The following ANO3 variants were observed in gnomAD, a reference collection of about 807,000 sequenced individuals.
ANO3 encodes the protein anoctamin-3.
Under a neutral mutation model 144.8 loss-of-function variants are expected in ANO3, and 99 were observed. That is an observed-to-expected ratio of 0.68 (90% CI 0.58 to 0.81). ANO3 has a LOEUF of 0.81. ANO3 is among the 30% of genes least tolerant of loss of function. The probability of loss-of-function intolerance (pLI) is 0.00; values close to 1 mark genes in which losing one functional copy is unlikely to be tolerated. For synonymous variants in ANO3, 414 were observed against 392.6 expected (o/e 1.05, Z -0.64); for missense variants, 905 against 1,202.2 (o/e 0.75, Z 3.66).
At chr11:26,326,848 G>C (rs1419231947) in intron 1 of ANO3, among the ~76,000 whole-genome samples, 1 of 152,128 alleles carries the variant, frequency 6.6e-6, no homozygotes, top group Non-Finnish European at 1.5e-5. Flanking sequence ...TTGATCAAAA[G>C]CATGGCAATT....
intron 1 of ANO3, among the ~76,000 whole-genome samples, chr11:26,259,693 T>C (rs1440831925): frequency 2.0e-5 from 3 of 151,872 alleles, no homozygotes; most frequent in Middle Eastern, 3.2e-3. Context: ...AAGTAAATAA[T>C]ATTTAATCAC....
chr11:26,341,535 G>C (rs1191895316), intron 1 of ANO3, among the ~76,000 whole-genome samples: 1 of 152,096 alleles, frequency 6.6e-6, no homozygotes, highest in Non-Finnish European at 1.5e-5. Flanking sequence ...TTAATAAAAA[G>C]GAGAAATTTC....
intron 1 of ANO3, among the ~76,000 whole-genome samples, chr11:26,321,921 T>G (rs111503290): frequency 2.6e-5 from 4 of 152,168 alleles, no homozygotes; most frequent in African/African-American, 9.6e-5. Context: ...TGCTATACTT[T>G]CAGTGTTTAT....
chr11:26,212,987 C>A (rs923989792), intron 1 of ANO3, among the ~76,000 whole-genome samples: 3 of 152,062 alleles, frequency 2.0e-5, no homozygotes, highest in Non-Finnish European at 4.4e-5. Context: ...ATATGCAAAT[C>A]AATAAACGTA....
chr11:26,280,035 G>A (rs571860443), intron 1 of ANO3, among the ~76,000 whole-genome samples: 1 of 152,110 alleles, frequency 6.6e-6, no homozygotes, highest in African/African-American at 2.4e-5. Flanking sequence ...AGTTTTCAGG[G>A]GTTCTTATGC....
chr11:26,595,460 G>GTGTTT (rs1851584686), intron 14 of ANO3, among the ~76,000 whole-genome samples: 1 of 101,388 alleles, frequency 9.9e-6, no homozygotes. Flanking sequence ...AGATAGAGTT[G>GTGTTT]TTTTTTTTTT....
At chr11:26,519,166 G>T (rs1419387911) in intron 6 of ANO3, among the ~76,000 whole-genome samples, 2 of 152,084 alleles carry the variant, frequency 1.3e-5, no homozygotes, top group Non-Finnish European at 2.9e-5. Flanking sequence ...AGATTAAAGA[G>T]GAGGAAGCCC....
intron 17 of ANO3, among the ~76,000 whole-genome samples, chr11:26,606,149 C>T (rs4447134): frequency 0.7 from 106,449 of 151,982 alleles, 38,365 homozygotes; most frequent in East Asian, 0.84. Context: ...TTTGTTCTCA[C>T]TGGTTTCAAA....
At chr11:26,195,051 G>A (rs1851557648) in intron 1 of ANO3, among the ~76,000 whole-genome samples, 1 of 152,266 alleles carries the variant, frequency 6.6e-6, no homozygotes, top group African/African-American at 2.4e-5. Context: ...ACCTATAGAT[G>A]TCTGTGGGCA....
chr11:26,280,627 C>G (rs947710341), intron 1 of ANO3, among the ~76,000 whole-genome samples: 3 of 152,186 alleles, frequency 2.0e-5, no homozygotes, highest in Non-Finnish European at 4.4e-5. Flanking sequence ...AGGGCTCTGC[C>G]TTTCCCAGTC....
At chr11:26,554,829 T>G (rs1850039295) in intron 13 of ANO3, among the ~76,000 whole-genome samples, 1 of 152,140 alleles carries the variant, frequency 6.6e-6, no homozygotes, top group African/African-American at 2.4e-5. Context: ...ATGTGAGCGT[T>G]GTTTGTTTTC....
chr11:26,463,617 TGTAA>T (rs1422879014), intron 4 of ANO3, among the ~76,000 whole-genome samples: 2 of 151,924 alleles, frequency 1.3e-5, no homozygotes, highest in African/African-American at 4.8e-5. Context: ...GAGAAAACCA[TGTAA>T]GTGTCTGGTG....
At chr11:26,215,656 G>A (rs1294171777) in intron 1 of ANO3, among the ~76,000 whole-genome samples, 3 of 151,654 alleles carry the variant, frequency 2.0e-5, no homozygotes, top group African/African-American at 7.3e-5. Flanking sequence ...CTAATTTCAG[G>A]GTCTCTCACC....
intron 19 of ANO3, 91 bp downstream of exon 19, chr11:26,634,406 T>C: frequency 1.2e-6 from 1 of 806,298 alleles, no homozygotes; most frequent in East Asian, 2.8e-5. Flanking sequence ...AAATGATTTC[T>C]GACAGCCACC....
At chr11:26,615,507 C>T (rs12271745) in intron 17 of ANO3, among the ~76,000 whole-genome samples, 1,917 of 151,112 alleles carry the variant, frequency 0.013, 36 homozygotes, top group African/African-American at 0.044. Context: ...ACCTGTGTAA[C>T]GCTGGTCATA....
At chr11:26,497,980 T>C (rs1213786484) in intron 4 of ANO3, among the ~76,000 whole-genome samples, 2 of 151,946 alleles carry the variant, frequency 1.3e-5, no homozygotes, top group Non-Finnish European at 2.9e-5. Context: ...TAACTACAGA[T>C]TGGGTTTAAG....
At chr11:26,441,822 T>G in intron 1 of ANO3, 96 bp from the exon 2 acceptor site, 1 of 847,756 alleles carries the variant, frequency 1.2e-6, no homozygotes, top group East Asian at 2.4e-5. Context: ...TTTTCAATAG[T>G]TCATTCCTGA....
chr11:26,651,347 T>C (rs1853525722), intron 24 of ANO3, among the ~76,000 whole-genome samples: 1 of 152,192 alleles, frequency 6.6e-6, no homozygotes, highest in Non-Finnish European at 1.5e-5. Context: ...TGACGGAATG[T>C]CAATGAAAAA....
intron 13 of ANO3, among the ~76,000 whole-genome samples, chr11:26,554,406 A>G (rs868605382): frequency 2.2e-4 from 33 of 152,262 alleles, no homozygotes; most frequent in African/African-American, 6.5e-4. Flanking sequence ...ACAAGTCCTT[A>G]TATGGACAAA....
Sources: gnomAD v4.1 joint callset for allele counts (sites outside exome capture counted in the v4.1 genomes callset) on GRCh38, gnomAD v4.1.1 for gene constraint, MANE v1.5 for transcripts, NCBI Gene and HGNC (gene_info 2026-07-23, HGNC 2026-07-21) for gene names.